TAMM41: variants seen among roughly 807,000 people sequenced by gnomAD.
TAMM41 encodes TAM41 mitochondrial translocator assembly and maintenance homolog, also known as phosphatidate cytidylyltransferase, mitochondrial.
Under a neutral mutation model 44.1 loss-of-function variants are expected in TAMM41, and 36 were observed. The observed-to-expected ratio is 0.82, with a 90% CI of 0.63 to 1.08. The LOEUF is 1.08. Among genes scored for constraint, TAMM41 ranks in the 50% least tolerant of loss-of-function variants. TAMM41 has a pLI of 0.00. For synonymous variants in TAMM41, 164 were observed against 153.1 expected (o/e 1.07, Z -0.53); for missense variants, 417 against 404.3 (o/e 1.03, Z -0.27).
the TAMM41 span, among the ~76,000 whole-genome samples, chr3:11,761,123 G>A: frequency 3.3e-5 from 5 of 150,966 alleles, no homozygotes; most frequent in African/African-American, 7.3e-5. Context: ...AGCCGAGATC[G>A]GGCCACTGCA....
At chr3:11,812,411 A>T (rs1289262166) in intron 5 of TAMM41, among the ~76,000 whole-genome samples, 1 of 152,162 alleles carries the variant, frequency 6.6e-6, no homozygotes, top group African/African-American at 2.4e-5. Flanking sequence ...ATCCTGAATC[A>T]ATCACCATTA....
the TAMM41 span, among the ~76,000 whole-genome samples, chr3:11,763,038 C>CA: frequency 0.015 from 2,215 of 152,052 alleles, 52 homozygotes; most frequent in African/African-American, 0.05. Flanking sequence ...AACTCTGTCT[C>CA]AAAAAAAATA....
the TAMM41 span, among the ~76,000 whole-genome samples, chr3:11,734,490 T>C: frequency 6.6e-6 from 1 of 152,198 alleles, no homozygotes; most frequent in Non-Finnish European, 1.5e-5. Context: ...TACAGTCATA[T>C]GGGCCCTTCA....
the TAMM41 span, among the ~76,000 whole-genome samples, chr3:11,741,034 C>A: frequency 2.8e-5 from 4 of 142,724 alleles, no homozygotes; most frequent in Non-Finnish European, 4.5e-5. Context: ...GCCTGGCCAA[C>A]ATGGTGAAAC....
the TAMM41 span, among the ~76,000 whole-genome samples, chr3:11,760,982 C>CGGTGA: frequency 9.0e-4 from 136 of 151,208 alleles, 1 homozygote; most frequent in African/African-American, 3.1e-3. Context: ...CTGGCTAACA[C>CGGTGA]GGTGAAACCC....
the TAMM41 span, among the ~76,000 whole-genome samples, chr3:11,784,300 G>A: frequency 6.6e-6 from 1 of 152,194 alleles, no homozygotes; most frequent in Non-Finnish European, 1.5e-5. Flanking sequence ...TTTGAGACCA[G>A]CTGGTCAACA....
the TAMM41 span, among the ~76,000 whole-genome samples, chr3:11,745,478 G>A: frequency 2.0e-5 from 3 of 152,140 alleles, no homozygotes; most frequent in Admixed American, 2.0e-4. Context: ...TGCATACCAC[G>A]GAATATTATT....
At chr3:11,748,910 G>GTTTT in the TAMM41 span, among the ~76,000 whole-genome samples, 1 of 77,416 alleles carries the variant, frequency 1.3e-5, no homozygotes, top group African/African-American at 5.6e-5. Flanking sequence ...CTGGGAAGTA[G>GTTTT]ATTTTTTTTT....
chr3:11,742,434 C>G, the TAMM41 span, among the ~76,000 whole-genome samples: 1 of 150,360 alleles, frequency 6.7e-6, no homozygotes, highest in African/African-American at 2.5e-5. Context: ...TTCCTTTTGT[C>G]GCGGAGGAAT....
the TAMM41 span, among the ~76,000 whole-genome samples, chr3:11,728,912 G>T: frequency 1.3e-5 from 2 of 151,596 alleles, no homozygotes; most frequent in African/African-American, 4.8e-5. Context: ...AGAGGCTGAG[G>T]CAGGAGAATC....
the TAMM41 span, among the ~76,000 whole-genome samples, chr3:11,726,671 A>C: frequency 2.6e-4 from 39 of 151,980 alleles, no homozygotes; most frequent in Non-Finnish European, 2.8e-4. Context: ...GGTATTGTGG[A>C]ATGTGCCTGT....
intron 7 of TAMM41, among the ~76,000 whole-genome samples, chr3:11,792,019 T>G (rs571649071): frequency 1.3e-5 from 2 of 152,282 alleles, no homozygotes; most frequent in Non-Finnish European, 2.9e-5. Flanking sequence ...TAGTTATACA[T>G]GGAAAGGTTC....
At chr3:11,723,456 T>A in the TAMM41 span, among the ~76,000 whole-genome samples, 1 of 151,900 alleles carries the variant, frequency 6.6e-6, no homozygotes, top group African/African-American at 2.4e-5. Context: ...GGCACATGCC[T>A]GTAAGTCCCA....
intron 4 of TAMM41, among the ~76,000 whole-genome samples, chr3:11,818,673 G>T (rs1209899458): frequency 6.6e-6 from 1 of 152,110 alleles, no homozygotes; most frequent in Non-Finnish European, 1.5e-5. Flanking sequence ...GAGGCAGGCG[G>T]ATCACGAGGT....
the TAMM41 span, among the ~76,000 whole-genome samples, chr3:11,766,411 G>A: frequency 1.3e-5 from 2 of 151,754 alleles, no homozygotes; most frequent in African/African-American, 4.8e-5. Context: ...CAATCAATCA[G>A]CCCATCTTGG....
rs1203570484 is a variant in TAMM41, at chr3:11,807,766, T to A, written c.937+67A>T. 2.6e-6 allele frequency: 4 copies of A among 1,536,076 alleles called. No homozygotes were observed. The African/African-American group carries it at 5.5e-5, about 21-fold the overall frequency. Reference sequence around the variant, plus strand: ...ACCTAAAAGATACAAAGCTTTACACTGTAACCAAGAGTGTGGAAGCCACTC... The same window carrying A: ...ACCTAAAAGATACAAAGCTTTACACAGTAACCAAGAGTGTGGAAGCCACTC... On this transcript the variant is annotated intron_variant, in intron 7 of 7. Coordinates refer to ENST00000455809, the MANE Select transcript of TAMM41 (RefSeq NM_001284401.2).
chr3:11,786,611 T>G (rs891496381), downstream of TAMM41, among the ~76,000 whole-genome samples: 2 of 149,126 alleles, frequency 1.3e-5, no homozygotes, highest in East Asian at 2.0e-4. Flanking sequence ...CCCCTTCTAT[T>G]TATTATACTT....
intron 7 of TAMM41, chr3:11,807,134 CAGTAA>C (rs1202234681): frequency 1.0e-6 from 1 of 974,874 alleles, no homozygotes. Context: ...ACATGAGATA[CAGTAA>C]ATGGGGGACC....
chr3:11,781,309 A>G, the TAMM41 span, among the ~76,000 whole-genome samples: 1 of 152,224 alleles, frequency 6.6e-6, no homozygotes, highest in African/African-American at 2.4e-5. Flanking sequence ...GTGTTTGGAA[A>G]GAATGATGGG....
Sources: allele counts gnomAD v4.1 joint callset (sites outside exome capture counted in the v4.1 genomes callset), GRCh38; gene constraint gnomAD v4.1.1; transcripts MANE v1.5; gene names NCBI Gene and HGNC (gene_info 2026-07-23, HGNC 2026-07-21).